ATP11A: variants seen among roughly 807,000 people sequenced by gnomAD.
ATP11A encodes phospholipid-transporting ATPase IH.
A neutral mutation model predicts 154.4 loss-of-function variants in ATP11A; 81 were observed. The ratio of observed to expected loss-of-function variants is 0.52; its 90% confidence interval spans 0.44 to 0.63. The LOEUF is 0.63. ATP11A is among the 30% of genes least tolerant of loss of function. The probability of loss-of-function intolerance (pLI) is 0.00; values close to 1 mark genes in which losing one functional copy is unlikely to be tolerated. For missense variants in ATP11A, 1,316 were observed against 1,474.3 expected (o/e 0.89, Z 1.76); for synonymous variants, 623 against 585.9 (o/e 1.06, Z -0.91).
In ATP11A at chr13:112,882,802, G is replaced by A; in HGVS notation, c.*936G>A. On this transcript the variant is annotated 3_prime_UTR_variant, in exon 30 of 30. Coordinates refer to ENST00000375645, the MANE Select transcript of ATP11A (RefSeq NM_015205.3). The surrounding 1 kb of genome is among the most constrained non-coding windows in gnomAD (Gnocchi z 5.1). Reference sequence around the variant, plus strand: ...GTTGATTTCGCGGGTGCGAGGGCCGGGAGACAGATACTTGGCTGTGATGAG... The same window carrying A: ...GTTGATTTCGCGGGTGCGAGGGCCGAGAGACAGATACTTGGCTGTGATGAG... The A allele has an allele frequency of 2.5e-6, 1 of 399,402 alleles. No homozygotes were observed. Among genetic ancestry groups the A allele is most frequent in the Non-Finnish European group, 4.4e-6 (1 of 226,758 alleles). 24.7% of individuals were successfully genotyped at this position (399,402 alleles called of 1,614,324 possible). A position where few individuals can be genotyped will look rare whatever the true frequency, so the allele number is the denominator to read the frequency against.
intron 1 of ATP11A, among the ~76,000 whole-genome samples, chr13:112,771,339 C>A (rs2077220930): frequency 6.6e-6 from 1 of 152,198 alleles, no homozygotes; most frequent in Admixed American, 6.5e-5. Context: ...CAGGCAGAGA[C>A]ACCTTGGAAT....
intron 1 of ATP11A, among the ~76,000 whole-genome samples, chr13:112,768,600 C>T (rs1323238457): frequency 6.6e-6 from 1 of 152,226 alleles, no homozygotes; most frequent in African/African-American, 2.4e-5. Flanking sequence ...GCTCGTGACC[C>T]TCTGCACTTG....
intron 1 of ATP11A, among the ~76,000 whole-genome samples, chr13:112,718,128 C>T (rs767302973): frequency 2.0e-5 from 3 of 152,158 alleles, no homozygotes; most frequent in Non-Finnish European, 4.4e-5. Context: ...CCCCCCACCC[C>T]GCCAAGGCGT....
intron 1 of ATP11A, among the ~76,000 whole-genome samples, chr13:112,729,942 T>G (rs1890316195): frequency 6.6e-6 from 1 of 152,238 alleles, no homozygotes; most frequent in Admixed American, 6.5e-5. Flanking sequence ...ACAGTAGTAC[T>G]TACTTCTTCA....
chr13:112,855,082 A>C (rs1328930162), intron 19 of ATP11A, among the ~76,000 whole-genome samples: 4 of 152,284 alleles, frequency 2.6e-5, no homozygotes, highest in Non-Finnish European at 5.9e-5. Context: ...TCATGTACAT[A>C]AAGCGAAAGC....
At position 112,885,887 on chromosome 13, in the gene ATP11A, C is replaced by T. The variant is rs903323415; in HGVS notation, c.*4021C>T. Reference sequence around the variant, plus strand: ...GCAGAGCAGGCCCCGGGGGTGAAGTCGCAGCTTCACTTACACCAGCTGCTC... The same window carrying T: ...GCAGAGCAGGCCCCGGGGGTGAAGTTGCAGCTTCACTTACACCAGCTGCTC... On this transcript the variant is annotated 3_prime_UTR_variant, in exon 30 of 30. Coordinates refer to ENST00000375645, the MANE Select transcript of ATP11A (RefSeq NM_015205.3). 9.8e-5 allele frequency: 15 copies of T among 152,410 alleles called. No individual in the cohort carries two copies. Among genetic ancestry groups the T allele is most frequent in the African/African-American group, 3.1e-4 (13 of 41,600 alleles). 9.4% of individuals were successfully genotyped at this position (152,410 alleles called of 1,614,324 possible). A position where few individuals can be genotyped will look rare whatever the true frequency, so the allele number is the denominator to read the frequency against.
At chr13:112,835,058 C>T (rs917032861) in intron 15 of ATP11A, among the ~76,000 whole-genome samples, 2 of 152,272 alleles carry the variant, frequency 1.3e-5, no homozygotes, top group Admixed American at 1.3e-4. Flanking sequence ...ATGAGTCCCG[C>T]AGGGAGGAAC....
intron 2 of ATP11A, among the ~76,000 whole-genome samples, chr13:112,788,445 G>A (rs977823796): frequency 6.6e-6 from 1 of 150,416 alleles, no homozygotes; most frequent in Non-Finnish European, 1.5e-5. Context: ...GTGTCCTCAT[G>A]TGTAGACCCT....
chr13:112,794,290 CGAT>C (rs1227849496), intron 2 of ATP11A, among the ~76,000 whole-genome samples: 2 of 152,142 alleles, frequency 1.3e-5, no homozygotes, highest in Non-Finnish European at 2.9e-5. Context: ...AATTCAACAA[CGAT>C]GAGCGAAGGA....
chr13:112,815,986 T>G (rs1375472779), intron 5 of ATP11A, 97 bp from the exon 6 acceptor site: 4 of 1,534,738 alleles, frequency 2.6e-6, no homozygotes, highest in African/African-American at 1.4e-5. Flanking sequence ...TGTCTTCCTG[T>G]GAATAGATGA....
At position 112,881,992 on chromosome 13, in the gene ATP11A, C is replaced by A. The variant is rs762137072; in HGVS notation, c.*126C>A. The A allele has an allele frequency of 7.3e-7, 1 of 1,367,820 alleles. No individual in the cohort carries two copies. Among genetic ancestry groups the A allele is most frequent in the South Asian group, 1.1e-5 (1 of 88,048 alleles). 84.7% of individuals were successfully genotyped at this position (1,367,820 alleles called of 1,614,324 possible). A position where few individuals can be genotyped will look rare whatever the true frequency, so the allele number is the denominator to read the frequency against. Reference sequence around the variant, plus strand: ...CCACGGAGCCCCCACCCATCCTCGGCGGTTCCCATCACCACTGCAGTTCCA... The same window carrying A: ...CCACGGAGCCCCCACCCATCCTCGGAGGTTCCCATCACCACTGCAGTTCCA... On this transcript the variant is annotated 3_prime_UTR_variant, in exon 30 of 30. Transcript: ENST00000375645.
chr13:112,783,956 A>G (rs1594676788), intron 1 of ATP11A, among the ~76,000 whole-genome samples: 1 of 152,180 alleles, frequency 6.6e-6, no homozygotes, highest in Admixed American at 6.5e-5. Flanking sequence ...CTGAGCAGAC[A>G]CCTAGCAGGG....
At chr13:112,728,703 G>C (rs1890168318) in intron 1 of ATP11A, among the ~76,000 whole-genome samples, 1 of 152,172 alleles carries the variant, frequency 6.6e-6, no homozygotes, top group Non-Finnish European at 1.5e-5. Flanking sequence ...GCCTCCCTGT[G>C]TTACCTGCAT....
intron 1 of ATP11A, among the ~76,000 whole-genome samples, chr13:112,783,789 A>C (rs2077556708): frequency 6.6e-6 from 1 of 152,164 alleles, no homozygotes; most frequent in African/African-American, 2.4e-5. Flanking sequence ...GAGCTAAAGT[A>C]TTTTTGTGGT....
intron 2 of ATP11A, among the ~76,000 whole-genome samples, chr13:112,799,503 G>T (rs575268044): frequency 1.3e-5 from 2 of 152,040 alleles, no homozygotes; most frequent in Non-Finnish European, 2.9e-5. Context: ...AGGGGCGGGG[G>T]TCACAAGGTG....
chr13:112,815,860 T>C (rs540399251), intron 5 of ATP11A, among the ~76,000 whole-genome samples: 3 of 152,168 alleles, frequency 2.0e-5, no homozygotes, highest in Non-Finnish European at 4.4e-5. Flanking sequence ...TTGTTACAGG[T>C]GTTTGTCTGT....
Position 112,831,375 on chromosome 13 carries a change from G to A in ATP11A, c.1222G>A (p.Val408Met). 1 of 1,613,812 alleles carries A rather than the reference G, an allele frequency of 6.2e-7. No individual in the cohort carries two copies. The highest frequency in any genetic ancestry group is 8.5e-7 in the Non-Finnish European group (1 of 1,179,680). The change falls in exon 13 of 30, where the codon GTG becomes ATG. Residue 408 changes from valine (V) to methionine (M), a missense_variant and splice_region_variant. Coordinates refer to ENST00000375645, the MANE Select transcript of ATP11A (RefSeq NM_015205.3). ...CTGACTTGCTGTGCCCTGCCCGCAG[G>A]TGGAGTACATCTTCACAGACAAGAC... is the stretch of plus-strand genomic sequence containing the variant. Reference protein sequence around the residue: ...TSDLNEELGQVEYIFTDKTGT... With the variant: ...TSDLNEELGQMEYIFTDKTGT...
At chr13:112,691,527 C>T (rs914686190) in intron 1 of ATP11A, among the ~76,000 whole-genome samples, 2 of 149,484 alleles carry the variant, frequency 1.3e-5, no homozygotes, top group African/African-American at 2.5e-5. Context: ...AGAAAACTGT[C>T]CCAAGCACAG....
At chr13:112,772,609 G>A (rs1169782378) in intron 1 of ATP11A, among the ~76,000 whole-genome samples, 1 of 143,980 alleles carries the variant, frequency 6.9e-6, no homozygotes, top group Non-Finnish European at 1.6e-5. Context: ...CCCGTGCCCA[G>A]TACCAGGTGC....
Sources: allele counts gnomAD v4.1 joint callset (sites outside exome capture counted in the v4.1 genomes callset), GRCh38; gene constraint gnomAD v4.1.1; non-coding constraint Gnocchi (gnomAD v3.1); transcripts MANE v1.5; gene names NCBI Gene and HGNC (gene_info 2026-07-23, HGNC 2026-07-21).